The following TTI1 variants were observed in gnomAD, a reference collection of about 807,000 sequenced individuals.
The protein encoded by TTI1 is TELO2-interacting protein 1 homolog.
Under a neutral mutation model 85.4 loss-of-function variants are expected in TTI1, and 52 were observed. That is an observed-to-expected ratio of 0.61 (90% CI 0.49 to 0.77). TTI1 has a LOEUF of 0.77. TTI1 is among the 30% of genes least tolerant of loss of function. The probability of loss-of-function intolerance (pLI) is 0.00; values close to 1 mark genes in which losing one functional copy is unlikely to be tolerated. For synonymous variants in TTI1, 512 were observed against 503.9 expected (o/e 1.02, Z -0.22); for missense variants, 1,173 against 1,296.0 (o/e 0.91, Z 1.46).
chr20:38,022,302 A>C lies in TTI1; in HGVS notation c.-41-8445T>G, dbSNP rs1177141109. On this transcript the variant is annotated intron_variant, in intron 1 of 7. Transcript: ENST00000373447. The stretch of plus-strand genomic sequence containing the variant: ...GCCTTGTCTGATCACCCCTATTAAC[A>C]CTGCTACCCATGCTTACTCCTCATC... 5.3e-5 allele frequency among the ~76,000 whole-genome samples: 8 copies of C among 152,048 alleles called. No homozygotes were observed. The East Asian group carries it at 1.5e-3, about 29-fold the overall frequency.
At chr20:38,000,973 G>C (rs769895309) in intron 4 of TTI1, among the ~76,000 whole-genome samples, 1 of 152,128 alleles carries the variant, frequency 6.6e-6, no homozygotes, top group Non-Finnish European at 1.5e-5. Context: ...GTTTTGCACC[G>C]AGTAGGTACC....
At position 38,012,678 on chromosome 20, in the gene TTI1, G is replaced by GA; in HGVS notation, c.1138dup (p.Ser380PhefsTer15). 6.2e-7 allele frequency: 1 copy of GA among 1,614,220 alleles called. No individual in the cohort carries two copies. ...TAGGCGAGGAAGAGATGTGGCAAGGGAATGCAGGCTTTCTGACAAGATGTC... is the reference window on the plus strand; with the variant it reads ...TAGGCGAGGAAGAGATGTGGCAAGGGAAATGCAGGCTTTCTGACAAGATGTC... On this transcript the variant is annotated frameshift_variant, in exon 2 of 8. Transcript: ENST00000373447. LOFTEE classifies it high-confidence loss of function.
At chr20:37,984,984 A>G (rs772699337) in intron 7 of TTI1, among the ~76,000 whole-genome samples, 17 of 152,124 alleles carry the variant, frequency 1.1e-4, no homozygotes, top group Non-Finnish European at 2.4e-4. Context: ...TTAGACGACA[A>G]CCCTCTCTAG....
In TTI1 at chr20:37,996,942, G is replaced by T. The variant is rs375916134; in HGVS notation, c.2805C>A (p.Thr935=). 1.2e-6 allele frequency: 2 copies of T among 1,613,556 alleles called. No individual in the cohort carries two copies. Among genetic ancestry groups the T allele is most frequent in the African/African-American group, 2.7e-5 (2 of 74,902 alleles). The stretch of plus-strand genomic sequence containing the variant: ...GAAAGTCACCACACTTGCTTCCCAG[G>T]GTACGTAAAACCTGCAGAAACAGCC... ...AVLRAFKVLR[T]LGSKCGDFLR... Residue 935 remains threonine, a synonymous_variant, in exon 6 of 8, where the codon ACC becomes ACA. Transcript: ENST00000373447.
At position 38,012,834 on chromosome 20, in the gene TTI1, C is replaced by T; in HGVS notation, c.983G>A (p.Cys328Tyr). 6.2e-7 allele frequency: 1 copy of T among 1,614,208 alleles called. No homozygotes were observed. The change falls in exon 2 of 8, where the codon TGT becomes TAT. Residue 328 changes from cysteine (C) to tyrosine (Y), a missense_variant. Cys to Tyr is a radical substitution (Grantham distance 194). Coordinates refer to ENST00000373447, the MANE Select transcript of TTI1 (RefSeq NM_001303457.2). ...LLKCSQSLVE[C>Y]AGPLLKALVG... ...TAAGGCCTTCAGAAGGGGACCAGCA[C>T]ATTCGACCAATGATTGACTGCACTT... is the stretch of plus-strand genomic sequence containing the variant.
In TTI1 at chr20:37,983,456, T is replaced by C. The variant is rs1600592897; in HGVS notation, c.3270A>G (p.Ter1090TrpextTer21). The C allele has an allele frequency of 6.2e-7, 1 of 1,609,178 alleles. No homozygotes were observed. The highest frequency in any genetic ancestry group is 8.5e-7 in the Non-Finnish European group (1 of 1,179,200). The change falls in exon 8 of 8, where the codon TGA (stop) becomes TGG (tryptophan). Residue 1090 changes from the stop codon to tryptophan (W), a stop_lost. Coordinates refer to ENST00000373447, the MANE Select transcript of TTI1 (RefSeq NM_001303457.2). ...TGGCCTCTGTGGTGGGGGAGCAGGG[T>C]CACTGCAGCTCCTTGAGCAGCTGGA... is the stretch of plus-strand genomic sequence containing the variant. Reference protein sequence around the residue: ...NVLQLLKELQ* With the variant: ...NVLQLLKELQW
chr20:38,011,345 G>C (rs2073583330), intron 2 of TTI1, among the ~76,000 whole-genome samples, 170 bp downstream of exon 2: 1 of 152,142 alleles, frequency 6.6e-6, no homozygotes, highest in East Asian at 1.9e-4. Context: ...ATTACTGAAA[G>C]TATAAAAGAT....
At chr20:38,026,617 GAGA>G (rs767900535) in intron 1 of TTI1, among the ~76,000 whole-genome samples, 2 of 152,134 alleles carry the variant, frequency 1.3e-5, no homozygotes, top group African/African-American at 4.8e-5. Context: ...CAAGACTTCT[GAGA>G]AGAAGGAAAA....
chr20:38,012,933 A>C lies in TTI1; in HGVS notation c.884T>G (p.Ile295Ser). The C allele has an allele frequency of 6.2e-7, 1 of 1,614,116 alleles. No homozygotes were observed. The highest frequency in any genetic ancestry group is 8.5e-7 in the Non-Finnish European group (1 of 1,180,022). Residue 295 changes from isoleucine (I) to serine (S), a missense_variant, in exon 2 of 8, where the codon ATT (isoleucine) becomes AGT (serine). Transcript: ENST00000373447. ...GTGTGGGTGAACAGAAACACACTCA[A>C]TTATCTTTTTAATAAGGATAGTCAA... Reference protein sequence around the residue: ...DKLTILIKKIIECVSVHPHWK... With the variant: ...DKLTILIKKISECVSVHPHWK...
chr20:38,031,681 G>A (rs986730882), intron 1 of TTI1, among the ~76,000 whole-genome samples: 2 of 152,180 alleles, frequency 1.3e-5, no homozygotes, highest in African/African-American at 4.8e-5. Context: ...TTGGACATAG[G>A]TGCTGAAAAA....
chr20:38,032,587 T>C (rs2073928363), intron 1 of TTI1, among the ~76,000 whole-genome samples: 1 of 152,006 alleles, frequency 6.6e-6, no homozygotes, highest in African/African-American at 2.4e-5. Context: ...TCTCAGATAG[T>C]GTTTTGTTTT....
intron 4 of TTI1, among the ~76,000 whole-genome samples, chr20:38,000,061 C>T (rs573944899): frequency 5.3e-5 from 8 of 152,084 alleles, no homozygotes; most frequent in Admixed American, 2.0e-4. Flanking sequence ...CGCGTGATGG[C>T]GGCAGAGGAG....
At chr20:38,025,916 T>G (rs1432848232) in intron 1 of TTI1, among the ~76,000 whole-genome samples, 1 of 152,060 alleles carries the variant, frequency 6.6e-6, no homozygotes, top group South Asian at 2.1e-4. Context: ...AAAAAACTAC[T>G]GAAAAATATA....
At chr20:38,003,137 T>A (rs1352344535) in intron 3 of TTI1, among the ~76,000 whole-genome samples, 1 of 152,116 alleles carries the variant, frequency 6.6e-6, no homozygotes, top group African/African-American at 2.4e-5. Flanking sequence ...ATTTTTAAAT[T>A]TTTTTGTAGA....
At position 38,013,148 on chromosome 20, in the gene TTI1, T is replaced by A; in HGVS notation, c.669A>T (p.Gly223=). The A allele has an allele frequency of 1.2e-6, 2 of 1,614,172 alleles. No individual in the cohort carries two copies. The highest frequency in any genetic ancestry group is 1.7e-6 in the Non-Finnish European group (2 of 1,180,020). Residue 223 remains glycine (G), a synonymous_variant, in exon 2 of 8, where the codon GGA becomes GGT. Transcript: ENST00000373447. ...ISTALTRLIT[G]DFKQGHSIVV... ...CAATGCTGTGACCTTGTTTAAAGTC[T>A]CCTGTGATAAGCCTGGTCAGTGCAG...
chr20:38,029,974 G>A (rs1271066726), intron 1 of TTI1, among the ~76,000 whole-genome samples: 1 of 152,062 alleles, frequency 6.6e-6, no homozygotes, highest in African/African-American at 2.4e-5. Flanking sequence ...ATAACTGTAA[G>A]AAATACATCC....
At chr20:38,028,055 A>G (rs1363156650) in intron 1 of TTI1, among the ~76,000 whole-genome samples, 2 of 152,348 alleles carry the variant, frequency 1.3e-5, no homozygotes, top group South Asian at 2.1e-4. Flanking sequence ...GGCAGAAGGG[A>G]AAGAAAATCT....
chr20:37,996,774 G>A lies in TTI1; in HGVS notation c.2973C>T (p.Gly991=), dbSNP rs755019579. 3 of 1,612,896 alleles carry A rather than the reference G, an allele frequency of 1.9e-6. No individual in the cohort carries two copies. The highest frequency in any genetic ancestry group is 1.7e-5 in the Admixed American group (1 of 59,978). ...KLQLAVLQGL[G]PLCERLDLGE... ...CTAGGTCCAGTCTCTCACAGAGGGG[G>A]CCCAGGCCCTGTAAGACAGCCAGCT... Residue 991 remains glycine, a synonymous_variant, in exon 6 of 8, where the codon GGC becomes GGT. Transcript: ENST00000373447.
chr20:38,003,657 C>T (rs1033287597), intron 3 of TTI1, among the ~76,000 whole-genome samples: 3 of 150,166 alleles, frequency 2.0e-5, no homozygotes, highest in East Asian at 2.0e-4. Context: ...GAGGGTGAGG[C>T]GGGAGAATCG....
Sources: allele counts gnomAD v4.1 joint callset (sites outside exome capture counted in the v4.1 genomes callset), GRCh38; gene constraint gnomAD v4.1.1; transcripts MANE v1.5; gene names NCBI Gene and HGNC (gene_info 2026-07-23, HGNC 2026-07-21).